ABCC6: variants seen among roughly 807,000 people sequenced by gnomAD.
The protein encoded by ABCC6 is ATP binding cassette subfamily C member 6.
ABCC6 carries 126 observed loss-of-function variants against 169.5 expected under a neutral mutation model. That is an observed-to-expected ratio of 0.74 (90% CI 0.64 to 0.86). ABCC6 has a LOEUF of 0.86. Among genes scored for constraint, ABCC6 ranks in the 40% least tolerant of loss-of-function variants. The probability of loss-of-function intolerance (pLI) is 0.00; values close to 1 mark genes in which losing one functional copy is unlikely to be tolerated. For synonymous variants in ABCC6, 752 were observed against 814.7 expected (o/e 0.92, Z 1.31); for missense variants, 1,733 against 1,927.2 (o/e 0.90, Z 1.89).
intron 23 of ABCC6, among the ~76,000 whole-genome samples, chr16:16,165,208 C>T (rs150427653): frequency 2.2e-3 from 334 of 152,232 alleles, no homozygotes; most frequent in African/African-American, 5.0e-3. Context: ...GCCAGGAATT[C>T]GAGACCAGCC....
chr16:16,190,015 A>T, intron 12 of ABCC6, 149 bp downstream of exon 12: 1 of 797,514 alleles, frequency 1.3e-6, no homozygotes, highest in East Asian at 2.6e-5. Context: ...TGTAGAAGAC[A>T]GCAGGGACCC....
Position 16,159,568 on chromosome 16 carries a change from G to A in ABCC6, c.3649C>T (p.Gln1217Ter), listed in dbSNP as rs371493792. 1 of 1,614,140 alleles carries A rather than the reference G, an allele frequency of 6.2e-7. No individual in the cohort carries two copies. The highest frequency in any genetic ancestry group is 1.3e-5 in the African/African-American group (1 of 75,044). The change falls in exon 26 of 31, where the codon CAG (glutamine) becomes TAG (stop). Residue 1217 changes from glutamine to a stop codon, truncating the protein, a stop_gained. Transcript: ENST00000205557. LOFTEE classifies it high-confidence loss of function. ...TCTGTCCAGTTGCGAACAACCCACT[G>A]CAGTGTCTGGGTCACCTGGTGCAAG... is the stretch of plus-strand genomic sequence containing the variant. ...SAALQVTQTLQWVVRNWTDLE... is the reference protein window; with the variant it reads ...SAALQVTQTL
intron 30 of ABCC6, 42 bp downstream of exon 30, chr16:16,150,536 C>T (rs766357271): frequency 2.4e-5 from 39 of 1,595,972 alleles, no homozygotes; most frequent in Admixed American, 6.7e-5. Context: ...TCCCCCACCA[C>T]TGCAGGGCTG....
At chr16:16,178,326 CAAAAA>C (rs35724767) in intron 18 of ABCC6, among the ~76,000 whole-genome samples, 1 of 146,098 alleles carries the variant, frequency 6.8e-6, no homozygotes, top group Non-Finnish European at 1.5e-5. Context: ...GACTCCATCT[CAAAAA>C]AAAAAGAAAA....
chr16:16,207,227 C>T (rs943204877), intron 7 of ABCC6, among the ~76,000 whole-genome samples: 18 of 152,246 alleles, frequency 1.2e-4, no homozygotes, highest in African/African-American at 4.1e-4. Flanking sequence ...AGCCCCTACC[C>T]ACTTCTGTGG....
chr16:16,173,019 G>A (rs1186908043), intron 21 of ABCC6: 1 of 517,050 alleles, frequency 1.9e-6, no homozygotes, highest in East Asian at 3.6e-5. Context: ...TCCAGCCTGG[G>A]TGAGTGAGCG....
At chr16:16,169,569 G>T in intron 22 of ABCC6, 77 bp downstream of exon 22, 1 of 1,527,184 alleles carries the variant, frequency 6.5e-7, no homozygotes, top group Non-Finnish European at 9.0e-7. Flanking sequence ...GACCCAGGGA[G>T]GGGTGGGGTA....
intron 29 of ABCC6, 61 bp from the exon 30 acceptor site, chr16:16,150,833 G>C: frequency 1.3e-6 from 2 of 1,583,984 alleles, no homozygotes; most frequent in Non-Finnish European, 1.7e-6. Context: ...TGATGTGTGG[G>C]TGTGCCCAGA....
intron 23 of ABCC6, among the ~76,000 whole-genome samples, chr16:16,164,406 T>C (rs1244048983): frequency 4.6e-5 from 7 of 152,120 alleles, no homozygotes; most frequent in African/African-American, 1.7e-4. Context: ...GTTGGGGTGC[T>C]GTCAATCATG....
chr16:16,158,518 C>T (rs1423147105), intron 26 of ABCC6, among the ~76,000 whole-genome samples: 1 of 152,180 alleles, frequency 6.6e-6, no homozygotes, highest in African/African-American at 2.4e-5. Context: ...ATCTGTCCAT[C>T]TCTCACCATT....
chr16:16,198,205 G>A, intron 9 of ABCC6, 23 bp from the exon 10 acceptor site: 4 of 1,569,560 alleles, frequency 2.5e-6, no homozygotes, highest in Non-Finnish European at 3.5e-6. Flanking sequence ...CAGAAGGAGA[G>A]AAGTAAAGTG....
intron 29 of ABCC6, among the ~76,000 whole-genome samples, chr16:16,151,029 T>G (rs778226142): frequency 1.3e-5 from 2 of 152,206 alleles, no homozygotes; most frequent in African/African-American, 2.4e-5. Context: ...AATGGCTATT[T>G]TCTTTTTTCT....
intron 6 of ABCC6, among the ~76,000 whole-genome samples, chr16:16,211,454 CT>C (rs1236415455): frequency 6.6e-6 from 1 of 152,150 alleles, no homozygotes; most frequent in African/African-American, 2.4e-5. Context: ...AGGCCCTGTT[CT>C]AAGTGCTTTA....
At chr16:16,200,898 G>A (rs1453544272) in intron 9 of ABCC6, among the ~76,000 whole-genome samples, 1 of 151,704 alleles carries the variant, frequency 6.6e-6, no homozygotes, top group Admixed American at 6.6e-5. Context: ...TAAAGCTATG[G>A]CCTCCAACCA....
chr16:16,151,678 G>C (rs1567461718), intron 29 of ABCC6, among the ~76,000 whole-genome samples: 1 of 152,134 alleles, frequency 6.6e-6, no homozygotes, highest in African/African-American at 2.4e-5. Context: ...CACATTCTAA[G>C]TGCTTGTATA....
At chr16:16,223,133 TG>T in intron 1 of ABCC6, 5 of 591,858 alleles carry the variant, frequency 8.4e-6, no homozygotes, top group Non-Finnish European at 1.5e-5. Flanking sequence ...TAGGAGGGCT[TG>T]GGGGACCCAC....
At chr16:16,152,954 T>A (rs763969594) in intron 29 of ABCC6, among the ~76,000 whole-genome samples, 1 of 152,064 alleles carries the variant, frequency 6.6e-6, no homozygotes, top group Non-Finnish European at 1.5e-5. Flanking sequence ...TGGAGTGCAG[T>A]GGCACAATCT....
intron 20 of ABCC6, among the ~76,000 whole-genome samples, chr16:16,173,748 C>T (rs752447419): frequency 2.0e-5 from 3 of 147,724 alleles, no homozygotes; most frequent in Non-Finnish European, 4.5e-5. Context: ...AGGTTGGTCT[C>T]AAACTCCTGA....
In ABCC6 at chr16:16,173,324, G is replaced by T; in HGVS notation, c.2747C>A (p.Ala916Glu). ...GCTGTCCTTTCCTGCTGGCCATCCTGCCCTGTCAGGGTCATCCAGAGGAAC... is the reference window on the plus strand; with the variant it reads ...GCTGTCCTTTCCTGCTGGCCATCCTTCCCTGTCAGGGTCATCCAGAGGAAC... ...TEVPLDDPDRAGWPAGKDSIQ... is the reference protein window; with the variant it reads ...TEVPLDDPDREGWPAGKDSIQ... The change falls in exon 21 of 31, where the codon GCA becomes GAA. Residue 916 changes from alanine (A) to glutamate (E), a missense_variant. Around this residue, in one of 5 missense-constraint regions of ABCC6, gnomAD observed 1,601 missense variants for 1,635.5 expected, o/e 0.98. Transcript: ENST00000205557. The T allele has an allele frequency of 1.2e-6, 2 of 1,614,082 alleles. No individual in the cohort carries two copies. Among genetic ancestry groups the T allele is most frequent in the Non-Finnish European group, 1.7e-6 (2 of 1,180,006 alleles).
Sources: allele counts gnomAD v4.1 joint callset (sites outside exome capture counted in the v4.1 genomes callset), GRCh38; gene constraint gnomAD v4.1.1; regional missense constraint gnomAD v4.1.1; transcripts MANE v1.5; gene names NCBI Gene and HGNC (gene_info 2026-07-23, HGNC 2026-07-21).